The following RUNX1 variants were observed in gnomAD, a reference collection of about 807,000 sequenced individuals.
The protein encoded by RUNX1 is runt-related transcription factor 1.
In RUNX1, 19 loss-of-function variants were observed where a neutral mutation model predicts 42.8. That is an observed-to-expected ratio of 0.44 (90% CI 0.31 to 0.65). The LOEUF (loss-of-function observed/expected upper bound fraction) is 0.65, where lower values mean the gene tolerates loss of function less well. Ranked by LOEUF, RUNX1 falls within the 30% of genes least tolerant of loss-of-function variation. The probability of loss-of-function intolerance (pLI) is 0.07; values close to 1 mark genes in which losing one functional copy is unlikely to be tolerated. For missense variants in RUNX1, 528 were observed against 672.0 expected, an observed-to-expected ratio of 0.79 and a Z score of 2.37; for synonymous variants, 271 against 289.4, an observed-to-expected ratio of 0.94 and a Z score of 0.64.
intron 2 of RUNX1, among the ~76,000 whole-genome samples, chr21:34,929,872 C>A (rs1300054888): frequency 1.3e-5 from 2 of 152,046 alleles, no homozygotes; most frequent in Non-Finnish European, 2.9e-5. Context: ...TCCAGGTATT[C>A]CTTGAACTGT....
chr21:34,834,693 G>T, intron 6 of RUNX1, 92 bp from the exon 7 acceptor site: 3 of 1,152,752 alleles, frequency 2.6e-6, no homozygotes, highest in Admixed American at 2.0e-5. Flanking sequence ...CTAAAACTGG[G>T]GCTTTTCTTG....
At chr21:34,953,197 A>G (rs1479088597) in intron 2 of RUNX1, among the ~76,000 whole-genome samples, 2 of 152,088 alleles carry the variant, frequency 1.3e-5, no homozygotes, top group African/African-American at 4.8e-5. Flanking sequence ...TAATGCAACA[A>G]GCGTTGACAA....
intron 2 of RUNX1, among the ~76,000 whole-genome samples, chr21:34,998,265 C>T (rs939257836): frequency 6.6e-6 from 1 of 152,094 alleles, no homozygotes; most frequent in Non-Finnish European, 1.5e-5. Context: ...AAAAGGGGAC[C>T]TGAGCAGGGG....
chr21:34,846,878 C>A (rs1039602750), intron 6 of RUNX1, among the ~76,000 whole-genome samples: 2 of 152,206 alleles, frequency 1.3e-5, no homozygotes, highest in African/African-American at 2.4e-5. Flanking sequence ...AACAGGACAG[C>A]GAGCTGGCCT....
chr21:34,792,662 C>CCACA lies in RUNX1; in HGVS notation c.968-56_968-53dup. The CCACA allele has an allele frequency of 6.7e-7, 1 of 1,489,844 alleles. No homozygotes were observed. Among genetic ancestry groups the CCACA allele is most frequent in the Non-Finnish European group, 9.0e-7 (1 of 1,105,336 alleles). 92.3% of individuals were successfully genotyped at this position (1,489,844 alleles called of 1,614,324 possible). ...GGAAGTGAGTAGGAGGTTGCGGAGG[C>CCACA]CACAGCTCTTCCCTCTGCCCCAGGG... On this transcript the variant is annotated intron_variant, in intron 8 of 8. Coordinates refer to ENST00000675419, the MANE Select transcript of RUNX1 (RefSeq NM_001754.5). This position sits in a 1 kb window ranked among gnomAD's most constrained non-coding sequence, Gnocchi z 6.9.
At chr21:34,840,840 T>C (rs1288772922) in intron 6 of RUNX1, among the ~76,000 whole-genome samples, 1 of 152,180 alleles carries the variant, frequency 6.6e-6, no homozygotes, top group Non-Finnish European at 1.5e-5. Context: ...TGAGTGACCT[T>C]GGACTTCAGT....
At chr21:35,035,715 C>T (rs550559219) in intron 2 of RUNX1, among the ~76,000 whole-genome samples, 5 of 152,278 alleles carry the variant, frequency 3.3e-5, no homozygotes, top group East Asian at 1.9e-4. Flanking sequence ...GCGGAGGACA[C>T]GGGACAGCAC....
chr21:34,797,242 A>T (rs1012039440), intron 8 of RUNX1, among the ~76,000 whole-genome samples: 6 of 152,210 alleles, frequency 3.9e-5, no homozygotes, highest in Non-Finnish European at 7.3e-5. Context: ...GGGTTCTGAA[A>T]TGAGGCATGG....
At chr21:34,822,972 A>G (rs2056930186) in intron 7 of RUNX1, among the ~76,000 whole-genome samples, 1 of 152,212 alleles carries the variant, frequency 6.6e-6, no homozygotes, top group Non-Finnish European at 1.5e-5. Flanking sequence ...GCAACTGGAC[A>G]TATGTAGTCC....
chr21:35,002,382 TTTTATTTATTTATTTATTTA>T (rs149613285), intron 2 of RUNX1, among the ~76,000 whole-genome samples: 34 of 141,060 alleles, frequency 2.4e-4, no homozygotes, highest in South Asian at 9.0e-4. Context: ...ACACAGCACA[TTTTATTTATTTATTTATTTA>T]TTTATTTATT....
At chr21:34,860,915 C>T (rs1369681164) in intron 5 of RUNX1, among the ~76,000 whole-genome samples, 1 of 152,144 alleles carries the variant, frequency 6.6e-6, no homozygotes, top group Non-Finnish European at 1.5e-5. Context: ...TGGATTCTAT[C>T]TGTATTAAAG....
chr21:34,830,473 C>A (rs761237815), intron 7 of RUNX1, among the ~76,000 whole-genome samples: 10 of 152,158 alleles, frequency 6.6e-5, no homozygotes, highest in Non-Finnish European at 1.0e-4. Flanking sequence ...AGAACATGTT[C>A]AATACAAGAA....
chr21:35,044,275 C>A (rs1490758061), intron 2 of RUNX1, among the ~76,000 whole-genome samples: 1 of 152,154 alleles, frequency 6.6e-6, no homozygotes, highest in Non-Finnish European at 1.5e-5. Context: ...CTTCCCCTCC[C>A]CCAACTCCTG....
In RUNX1 at chr21:34,790,254, AGTT is replaced by A. The variant is rs1371813931; in HGVS notation, c.*1878_*1880del. On this transcript the variant is annotated 3_prime_UTR_variant, in exon 9 of 9. Transcript: ENST00000675419. ...ATATATATAAGAAAACTCAAAAACAAGTTGTTTTAAATAAGTCCAGCTGTTTTT... is the reference window on the plus strand; with the variant it reads ...ATATATATAAGAAAACTCAAAAACAAGTTTTAAATAAGTCCAGCTGTTTTT... The A allele has an allele frequency of 4.3e-6, 1 of 233,478 alleles. No homozygotes were observed. The highest frequency in any genetic ancestry group is 6.1e-5 in the East Asian group (1 of 16,484). The allele number at this position is 233,478 out of a possible 1,614,324, so 14.5% of individuals were successfully genotyped here. A position where few individuals can be genotyped will look rare whatever the true frequency, so the allele number is the denominator to read the frequency against.
intron 2 of RUNX1, among the ~76,000 whole-genome samples, chr21:35,002,293 C>A (rs1428517925): frequency 6.6e-6 from 1 of 151,740 alleles, no homozygotes; most frequent in Non-Finnish European, 1.5e-5. Flanking sequence ...CTCAGCGTGC[C>A]CCTCCTTCAC....
chr21:34,849,398 T>G (rs1326885923), intron 6 of RUNX1, among the ~76,000 whole-genome samples: 1 of 47,678 alleles, frequency 2.1e-5, no homozygotes, highest in Non-Finnish European at 3.8e-5. Flanking sequence ...ATATAATATA[T>G]TATACTATAT....
intron 3 of RUNX1, chr21:34,889,739 T>C (rs935277715): frequency 8.5e-7 from 1 of 1,175,434 alleles, no homozygotes; most frequent in Non-Finnish European, 1.1e-6. Flanking sequence ...TGCGGGCATT[T>C]TCGCGGAGCT....
chr21:35,016,998 G>A (rs2059163906), intron 2 of RUNX1, among the ~76,000 whole-genome samples: 1 of 151,982 alleles, frequency 6.6e-6, no homozygotes, highest in African/African-American at 2.4e-5. Flanking sequence ...TAATGGGAAG[G>A]GGGTGAGGGT....
intron 2 of RUNX1, among the ~76,000 whole-genome samples, chr21:35,012,115 T>A (rs1389997637): frequency 6.6e-6 from 1 of 152,230 alleles, no homozygotes; most frequent in Non-Finnish European, 1.5e-5. Flanking sequence ...GTTAGCTTAA[T>A]CCTCCATATC....
Sources: allele counts gnomAD v4.1 joint callset (sites outside exome capture counted in the v4.1 genomes callset), GRCh38; gene constraint gnomAD v4.1.1; non-coding constraint Gnocchi (gnomAD v3.1); transcripts MANE v1.5; gene names NCBI Gene and HGNC (gene_info 2026-07-23, HGNC 2026-07-21).